The following CSF1R variants were observed in gnomAD, a reference collection of about 807,000 sequenced individuals.
CSF1R encodes the protein macrophage colony-stimulating factor 1 receptor.
CSF1R carries 40 observed loss-of-function variants against 110.0 expected under a neutral mutation model. The observed-to-expected ratio is 0.36, with a 90% CI of 0.28 to 0.47. CSF1R has a LOEUF of 0.47. Among genes scored for constraint, CSF1R ranks in the 20% least tolerant of loss-of-function variants. The pLI is 0.99. For missense variants in CSF1R, 1,052 were observed against 1,253.0 expected (o/e 0.84, Z 2.42); for synonymous variants, 523 against 503.4 (o/e 1.04, Z -0.52).
At chr5:150,082,866 G>T (rs2113836893) in intron 1 of CSF1R, among the ~76,000 whole-genome samples, 1 of 152,258 alleles carries the variant, frequency 6.6e-6, no homozygotes, top group South Asian at 2.1e-4. Flanking sequence ...TCCCTTCTGG[G>T]CCAACTCTGA....
intron 3 of CSF1R, 68 bp downstream of exon 3, chr5:150,079,984 C>T: frequency 6.4e-7 from 1 of 1,560,214 alleles, no homozygotes; most frequent in Non-Finnish European, 8.7e-7. Context: ...CCAGTCACCA[C>T]CCATGTGGCC....
chr5:150,056,176 T>C (rs1345771564), intron 17 of CSF1R, 39 bp from the exon 18 acceptor site: 3 of 1,614,156 alleles, frequency 1.9e-6, no homozygotes, highest in Admixed American at 3.3e-5. Context: ...GCCCCGACTC[T>C]TCACCCCCTC....
intron 1 of CSF1R, among the ~76,000 whole-genome samples, chr5:150,097,049 T>A (rs567675191): frequency 1.3e-5 from 2 of 152,154 alleles, no homozygotes; most frequent in South Asian, 4.2e-4. Context: ...ATCACCTGAG[T>A]CCAGGAGTTT....
intron 1 of CSF1R, among the ~76,000 whole-genome samples, chr5:150,110,039 A>G (rs755933017): frequency 1.4e-5 from 2 of 147,762 alleles, no homozygotes; most frequent in Non-Finnish European, 3.0e-5. Context: ...GTTTCAGTAA[A>G]CAACTTTCCC....
At chr5:150,085,377 C>T (rs770570263) in intron 1 of CSF1R, among the ~76,000 whole-genome samples, 50 of 151,670 alleles carry the variant, frequency 3.3e-4, no homozygotes, top group Non-Finnish European at 5.9e-4. Flanking sequence ...GGACCAGAAG[C>T]GCCACGGCCT....
chr5:150,062,181 G>GTAGCCCATCCACATACTTTCTTGAAC (rs1242644876), intron 10 of CSF1R, among the ~76,000 whole-genome samples: 88 of 116,190 alleles, frequency 7.6e-4, no homozygotes, highest in Middle Eastern at 5.4e-3. Flanking sequence ...TGGAACTTGA[G>GTAGCCCATCCACATACTTTCTTGAAC]ATCTTATCCA....
At chr5:150,107,923 C>T (rs914559668) in intron 1 of CSF1R, among the ~76,000 whole-genome samples, 12 of 152,178 alleles carry the variant, frequency 7.9e-5, no homozygotes, top group African/African-American at 2.9e-4. Context: ...AGCTGTGGTC[C>T]CTCCCTTCTG....
chr5:150,104,499 A>G (rs1331512665), intron 1 of CSF1R, among the ~76,000 whole-genome samples: 1 of 152,252 alleles, frequency 6.6e-6, no homozygotes, highest in East Asian at 1.9e-4. Flanking sequence ...ACCGCATCCC[A>G]GCATTTTCCT....
intron 1 of CSF1R, among the ~76,000 whole-genome samples, chr5:150,110,387 C>G (rs1389635512): frequency 6.6e-6 from 1 of 152,202 alleles, no homozygotes; most frequent in Non-Finnish European, 1.5e-5. Flanking sequence ...TAAAAATTGC[C>G]TTGCTGAGGA....
At chr5:150,086,748 A>T, upstream of CSF1R, 1 of 360,492 alleles carries the variant, frequency 2.8e-6, no homozygotes, top group Non-Finnish European at 5.2e-6. Context: ...GGGCCCTTCT[A>T]AAGCCATCTT....
rs2113778564 is a variant in CSF1R, at chr5:150,056,101, T to C, written c.2479A>G (p.Ile827Val). The C allele has an allele frequency of 6.2e-7, 1 of 1,614,202 alleles. No individual in the cohort carries two copies. The highest frequency in any genetic ancestry group is 8.5e-7 in the Non-Finnish European group (1 of 1,180,034). ...TGAACCGTGTAGACACAGTCAAAGA[T>C]GCTCTCTGGGGCCATCCACTTCACA... ...LPVKWMAPES[I>V]FDCVYTVQSD... The change falls in exon 18 of 21, where the codon ATC becomes GTC. Residue 827 changes from isoleucine (I) to valine (V), a missense_variant. Physicochemically the swap from Ile to Val is conservative, Grantham distance 29. This residue lies in a region of CSF1R where 74 missense variants were observed against 187.4 expected (regional missense o/e 0.39). Coordinates refer to ENST00000675795, the MANE Select transcript of CSF1R (RefSeq NM_001288705.3).
chr5:150,110,891 C>T (rs1407866168), intron 1 of CSF1R, among the ~76,000 whole-genome samples: 1 of 150,628 alleles, frequency 6.6e-6, no homozygotes, highest in East Asian at 1.9e-4. Context: ...GCATATATGA[C>T]ATAAATACTT....
chr5:150,078,296 A>G (rs780539067), intron 3 of CSF1R, 48 bp from the exon 4 acceptor site: 6 of 1,607,484 alleles, frequency 3.7e-6, no homozygotes, highest in Admixed American at 3.4e-5. Context: ...CCTGAACATG[A>G]TAGAGATATT....
At chr5:150,062,131 A>C (rs1757559942) in intron 10 of CSF1R, among the ~76,000 whole-genome samples, 1 of 152,126 alleles carries the variant, frequency 6.6e-6, no homozygotes, top group Admixed American at 6.5e-5. Context: ...GGGCCCTGAT[A>C]TCTCTGATAA....
chr5:150,057,748 T>C (rs1314545067), intron 14 of CSF1R, among the ~76,000 whole-genome samples, 156 bp from the exon 15 acceptor site: 2 of 152,234 alleles, frequency 1.3e-5, no homozygotes, highest in Non-Finnish European at 2.9e-5. Context: ...CATTGGTCTC[T>C]GCTCGGCTGT....
At chr5:150,072,025 G>A (rs1758054011) in intron 6 of CSF1R, among the ~76,000 whole-genome samples, 1 of 152,230 alleles carries the variant, frequency 6.6e-6, no homozygotes, top group South Asian at 2.1e-4. Context: ...GATCTCTCAT[G>A]AGCCAACTAT....
In CSF1R at chr5:150,094,716, T is replaced by C. The variant is rs1759160146; in HGVS notation, c.-180-8109A>G. The C allele has an allele frequency of 2.5e-6, 4 of 1,603,882 alleles. No homozygotes were observed. In the Admixed American group the frequency reaches 5.0e-5, roughly 20 times the overall value. ...TAACATGCTGAGGATTGTAGAGCCATATATTGCATGGGGGTACCCCAATCT... is the reference window on the plus strand; with the variant it reads ...TAACATGCTGAGGATTGTAGAGCCACATATTGCATGGGGGTACCCCAATCT... On this transcript the variant is annotated intron_variant, in intron 1 of 21. Transcript: ENST00000286301.
chr5:150,059,806 G>A lies in CSF1R; in HGVS notation c.2026C>T (p.Arg676Ter), dbSNP rs1757422149. ...CCCAGCATGGCCTCAGCCTTCCTTC[G>A]CAGAAAGTTGAGCAGGTCGCCATAG... ...CCYGDLLNFL[R>*]RKAEAMLGPS... Residue 676 changes from arginine to a stop codon, truncating the protein, a stop_gained, in exon 14 of 21, where the codon CGA becomes TGA. Transcript: ENST00000675795. LOFTEE classifies it high-confidence loss of function. 6.2e-7 allele frequency: 1 copy of A among 1,614,146 alleles called. No homozygotes were observed. Among genetic ancestry groups the A allele is most frequent in the Non-Finnish European group, 8.5e-7 (1 of 1,180,036 alleles).
At chr5:150,105,517 C>CT (rs951470535) in intron 1 of CSF1R, among the ~76,000 whole-genome samples, 4 of 150,856 alleles carry the variant, frequency 2.7e-5, no homozygotes, top group Non-Finnish European at 1.5e-5. Context: ...CACCTGGCCT[C>CT]TTTTTTTTCT....
Sources: gnomAD v4.1 joint callset for allele counts (sites outside exome capture counted in the v4.1 genomes callset) on GRCh38, gnomAD v4.1.1 for gene constraint, gnomAD v4.1.1 regional missense constraint, MANE v1.5 for transcripts, NCBI Gene and HGNC (gene_info 2026-07-23, HGNC 2026-07-21) for gene names.